CCR4: variants seen among roughly 807,000 people sequenced by gnomAD.
CCR4 encodes C-C motif chemokine receptor 4, also known as C-C chemokine receptor type 4.
In CCR4, 9 loss-of-function variants were observed where a neutral mutation model predicts 17.1. That is an observed-to-expected ratio of 0.53 (90% CI 0.32 to 0.92). The LOEUF is 0.92. Among genes scored for constraint, CCR4 ranks in the 40% least tolerant of loss-of-function variants. CCR4 has a pLI of 0.04. For missense variants in CCR4, 385 were observed against 433.9 expected (o/e 0.89, Z 1.00); for synonymous variants, 217 against 174.3 (o/e 1.24, Z -1.93).
rs991875049 is a variant in CCR4 at position 32,956,324 on chromosome 3, A to G, written c.*1819A>G. 2.4e-5 allele frequency: 4 copies of G among 167,128 alleles called. No individual in the cohort carries two copies. The highest frequency in any genetic ancestry group is 9.6e-5 in the African/African-American group (4 of 41,472). 10.4% of individuals were successfully genotyped at this position (167,128 alleles called of 1,614,324 possible). On this transcript the variant is annotated 3_prime_UTR_variant, in exon 2 of 2. Transcript: ENST00000330953. ...AATCATTTTGAAGTGCCTGCTATCA[A>G]TTGAAATAAAAACAATCAACTAAAA...
Position 32,956,005 on chromosome 3 carries a change from G to A in CCR4, c.*1500G>A, listed in dbSNP as rs1312791827. 2 of 155,320 alleles carry A rather than the reference G, an allele frequency of 1.3e-5. No homozygotes were observed. The highest frequency in any genetic ancestry group is 6.6e-5 in the Admixed American group (1 of 15,184). The allele number at this position is 155,320 out of a possible 1,614,324, so 9.6% of individuals were successfully genotyped here. A position where few individuals can be genotyped will look rare whatever the true frequency, so the allele number is the denominator to read the frequency against. ...GCAGTGGCACTCGGTTCACTGCAAA[G>A]TCTGCCTCCCAGGTTCAAGCGATTC... On this transcript the variant is annotated 3_prime_UTR_variant, in exon 2 of 2. Transcript: ENST00000330953.
chr3:32,953,277 T>A (rs1331623060), intron 1 of CCR4, 95 bp from the exon 2 acceptor site: 1 of 914,542 alleles, frequency 1.1e-6, no homozygotes, highest in Non-Finnish European at 1.6e-6. Context: ...TATACAGACC[T>A]GGAGCAAAAC....
chr3:32,954,872 G>C lies in CCR4; in HGVS notation c.*367G>C. 1 of 193,540 alleles carries C rather than the reference G, an allele frequency of 5.2e-6. No homozygotes were observed. The highest frequency in any genetic ancestry group is 1.2e-5 in the Non-Finnish European group (1 of 85,952). 12.0% of individuals were successfully genotyped at this position (193,540 alleles called of 1,614,324 possible). A position where few individuals can be genotyped will look rare whatever the true frequency, so the allele number is the denominator to read the frequency against. ...GGGAATTGCAGAGTACTGGCTGATG[G>C]AGTAAATCGCTACCTTTTGCTGTGG... On this transcript the variant is annotated 3_prime_UTR_variant, in exon 2 of 2. Coordinates refer to ENST00000330953, the MANE Select transcript of CCR4 (RefSeq NM_005508.5).
Position 32,954,584 on chromosome 3 carries a change from T to G in CCR4, c.*79T>G, listed in dbSNP as rs542846538. On this transcript the variant is annotated 3_prime_UTR_variant, in exon 2 of 2. Transcript: ENST00000330953. The stretch of plus-strand genomic sequence containing the variant: ...CTTAAAATTGTATTTTAGTAAGAGA[T>G]TCCTGAGCCAGTGTCAGGAGGAAGG... 67 of 1,414,426 alleles carry G rather than the reference T, an allele frequency of 4.7e-5. No individual in the cohort carries two copies. The East Asian group carries it at 1.5e-3, about 32-fold the overall frequency. The allele number at this position is 1,414,426 out of a possible 1,614,324, so 87.6% of individuals were successfully genotyped here. A position where few individuals can be genotyped will look rare whatever the true frequency, so the allele number is the denominator to read the frequency against.
In CCR4 at chr3:32,955,369, T is replaced by G. The variant is rs1206790127; in HGVS notation, c.*864T>G. Reference sequence around the variant, plus strand: ...CTGGCCAACATGGAGAAACCCTGTCTCTACTAAAAAATACAAAATTAGCCA... The same window carrying G: ...CTGGCCAACATGGAGAAACCCTGTCGCTACTAAAAAATACAAAATTAGCCA... On this transcript the variant is annotated 3_prime_UTR_variant, in exon 2 of 2. Transcript: ENST00000330953. The G allele has an allele frequency of 6.0e-6, 1 of 166,400 alleles. No homozygotes were observed. The highest frequency in any genetic ancestry group is 1.5e-5 in the Non-Finnish European group (1 of 68,084). The allele number at this position is 166,400 out of a possible 1,614,324, so 10.3% of individuals were successfully genotyped here.
intron 1 of CCR4, among the ~76,000 whole-genome samples, chr3:32,952,165 ACT>A (rs1434218271): frequency 1.3e-5 from 2 of 152,090 alleles, no homozygotes; most frequent in African/African-American, 4.8e-5. Flanking sequence ...TTTTTTGGAG[ACT>A]CTGTGATGTA....
Position 32,954,193 on chromosome 3 carries a change from T to C in CCR4, c.771T>C (p.Pro257=). The C allele has an allele frequency of 6.2e-7, 1 of 1,614,098 alleles. No homozygotes were observed. The highest frequency in any genetic ancestry group is 1.1e-5 in the South Asian group (1 of 91,076). Residue 257 remains proline (P), a synonymous_variant, in exon 2 of 2, where the codon CCT becomes CCC. Transcript: ENST00000330953. ...TCCTCTTCCTTGGGTTCTGGACACCTTACAACATAGTGCTCTTCCTAGAGA... is the reference window on the plus strand; with the variant it reads ...TCCTCTTCCTTGGGTTCTGGACACCCTACAACATAGTGCTCTTCCTAGAGA... ...VVVLFLGFWT[P]YNIVLFLETL... is the part of the protein sequence containing the mutation.
Position 32,954,471 on chromosome 3 carries a change from C to A in CCR4, c.1049C>A (p.Ser350Tyr). Reference protein sequence around the residue: ...ADTPSSSYTQSTMDHDLHDAL With the variant: ...ADTPSSSYTQYTMDHDLHDAL ...ACCCCCAGCTCATCTTACACGCAGTCCACCATGGATCATGATCTCCATGAT... is the reference window on the plus strand; with the variant it reads ...ACCCCCAGCTCATCTTACACGCAGTACACCATGGATCATGATCTCCATGAT... Residue 350 changes from serine (S) to tyrosine (Y), a missense_variant, in exon 2 of 2, where the codon TCC becomes TAC. Transcript: ENST00000330953. The A allele has an allele frequency of 1.3e-6, 2 of 1,556,556 alleles. No individual in the cohort carries two copies. Among genetic ancestry groups the A allele is most frequent in the Non-Finnish European group, 1.7e-6 (2 of 1,156,826 alleles).
chr3:32,952,720 C>T (rs1430773293), intron 1 of CCR4, among the ~76,000 whole-genome samples: 3 of 152,206 alleles, frequency 2.0e-5, no homozygotes, highest in Non-Finnish European at 4.4e-5. Flanking sequence ...AAGGGAGTGG[C>T]CTTGAGTCGG....
chr3:32,952,269 T>C (rs1253518001), intron 1 of CCR4, among the ~76,000 whole-genome samples: 1 of 152,158 alleles, frequency 6.6e-6, no homozygotes, highest in African/African-American at 2.4e-5. Flanking sequence ...TTTTTTATTT[T>C]TTTTGAGACA....
rs1347194508 is a variant in CCR4, at chr3:32,953,987, A to G, written c.565A>G (p.Thr189Ala). 9 of 1,613,920 alleles carry G rather than the reference A, an allele frequency of 5.6e-6. No homozygotes were observed. Among genetic ancestry groups the G allele is most frequent in the Non-Finnish European group, 7.6e-6 (9 of 1,179,998 alleles). Residue 189 changes from threonine to alanine, a missense_variant, in exon 2 of 2, where the codon ACC becomes GCC. Thr to Ala is a moderately conservative substitution (Grantham distance 58, BLOSUM62 0). Transcript: ENST00000330953. The part of the protein sequence containing the change: ...YTERNHTYCK[T>A]KYSLNSTTWK... ...TGAGCGCAACCATACCTACTGCAAA[A>G]CCAAGTACTCTCTCAACTCCACGAC...
In CCR4 at chr3:32,953,845, C is replaced by T. The variant is rs371078690; in HGVS notation, c.423C>T (p.His141=). ...MSIDRYLAIV[H]AVFSLRARTL... is the part of the protein sequence containing the mutation. Reference sequence around the variant, plus strand: ...TTGATAGATACCTGGCAATTGTGCACGCGGTGTTTTCCTTGAGGGCAAGGA... The same window carrying T: ...TTGATAGATACCTGGCAATTGTGCATGCGGTGTTTTCCTTGAGGGCAAGGA... Residue 141 remains histidine (H), a synonymous_variant, in exon 2 of 2, where the codon CAC becomes CAT. Coordinates refer to ENST00000330953, the MANE Select transcript of CCR4 (RefSeq NM_005508.5). The T allele has an allele frequency of 9.5e-5, 154 of 1,614,004 alleles. No individual in the cohort carries two copies. Among genetic ancestry groups the T allele is most frequent in the Admixed American group, 2.0e-4 (12 of 59,990 alleles).
chr3:32,954,583 A>AG lies in CCR4; in HGVS notation c.*78_*79insG, dbSNP rs557455406. ...ACTTAAAATTGTATTTTAGTAAGAG[A>AG]TTCCTGAGCCAGTGTCAGGAGGAAG... On this transcript the variant is annotated 3_prime_UTR_variant, in exon 2 of 2. Coordinates refer to ENST00000330953, the MANE Select transcript of CCR4 (RefSeq NM_005508.5). 4.7e-5 allele frequency: 67 copies of AG among 1,413,678 alleles called. No homozygotes were observed. In the East Asian group the frequency reaches 1.5e-3, roughly 32 times the overall value. The allele number at this position is 1,413,678 out of a possible 1,614,324, so 87.6% of individuals were successfully genotyped here.
chr3:32,954,769 G>A lies in CCR4; in HGVS notation c.*264G>A, dbSNP rs1695683733. The A allele has an allele frequency of 5.1e-6, 2 of 394,940 alleles. No individual in the cohort carries two copies. Among genetic ancestry groups the A allele is most frequent in the Non-Finnish European group, 4.7e-6 (1 of 213,006 alleles). The allele number at this position is 394,940 out of a possible 1,614,324, so 24.5% of individuals were successfully genotyped here. A position where few individuals can be genotyped will look rare whatever the true frequency, so the allele number is the denominator to read the frequency against. On this transcript the variant is annotated 3_prime_UTR_variant, in exon 2 of 2. Transcript: ENST00000330953. ...GTCAGTCTGATGAGAACTCTGAGCA[G>A]TGCTTGAATGAAGTTGTAGGTAATA...
chr3:32,952,241 T>C (rs1395137197), intron 1 of CCR4, among the ~76,000 whole-genome samples: 1 of 152,110 alleles, frequency 6.6e-6, no homozygotes, highest in Non-Finnish European at 1.5e-5. Flanking sequence ...TTTTTCTTTT[T>C]CTTTTCTTTC....
At position 32,953,998 on chromosome 3, in the gene CCR4, T is replaced by G; in HGVS notation, c.576T>G (p.Ser192=). The G allele has an allele frequency of 2.5e-6, 4 of 1,614,134 alleles. No homozygotes were observed. The South Asian group carries it at 4.4e-5, about 18-fold the overall frequency. ...ATACCTACTGCAAAACCAAGTACTC[T>G]CTCAACTCCACGACGTGGAAGGTTC... is the stretch of plus-strand genomic sequence containing the variant. ...RNHTYCKTKY[S]LNSTTWKVLS... is the part of the protein sequence containing the mutation. The change falls in exon 2 of 2, where the codon TCT becomes TCG. Residue 192 remains serine (S), a synonymous_variant. Coordinates refer to ENST00000330953, the MANE Select transcript of CCR4 (RefSeq NM_005508.5).
intron 1 of CCR4, among the ~76,000 whole-genome samples, chr3:32,952,346 C>T (rs1413979908): frequency 6.6e-6 from 1 of 152,010 alleles, no homozygotes; most frequent in African/African-American, 2.4e-5. Flanking sequence ...CCTTGAACTC[C>T]TGGGCTCAAG....
chr3:32,953,752 C>A lies in CCR4; in HGVS notation c.330C>A (p.Cys110Ter). The change falls in exon 2 of 2, where the codon TGC becomes TGA. Residue 110 changes from cysteine (C) to a stop codon, truncating the protein, a stop_gained. Coordinates refer to ENST00000330953, the MANE Select transcript of CCR4 (RefSeq NM_005508.5). LOFTEE classifies it high-confidence loss of function. ...AGTGGGTTTTTGGGCTAGGTCTGTGCAAGATGATTTCCTGGATGTACTTGG... is the reference window on the plus strand; with the variant it reads ...AGTGGGTTTTTGGGCTAGGTCTGTGAAAGATGATTTCCTGGATGTACTTGG... ...ADQWVFGLGL[C>*]KMISWMYLVG... 6.2e-7 allele frequency: 1 copy of A among 1,614,076 alleles called. No individual in the cohort carries two copies. The highest frequency in any genetic ancestry group is 8.5e-7 in the Non-Finnish European group (1 of 1,180,034).
In CCR4 at chr3:32,956,075, A is replaced by G. The variant is rs1178397393; in HGVS notation, c.*1570A>G. ...GCAGCTGGGATTAGAGGTGTGCACC[A>G]CTACGCCAGGCTAATTTTTGTATTT... On this transcript the variant is annotated 3_prime_UTR_variant, in exon 2 of 2. Transcript: ENST00000330953. 6.1e-6 allele frequency: 1 copy of G among 164,984 alleles called. No homozygotes were observed. Among genetic ancestry groups the G allele is most frequent in the Non-Finnish European group, 1.5e-5 (1 of 68,076 alleles). 10.2% of individuals were successfully genotyped at this position (164,984 alleles called of 1,614,324 possible). A position where few individuals can be genotyped will look rare whatever the true frequency, so the allele number is the denominator to read the frequency against.
Sources: allele counts gnomAD v4.1 joint callset (sites outside exome capture counted in the v4.1 genomes callset), GRCh38; gene constraint gnomAD v4.1.1; transcripts MANE v1.5; gene names NCBI Gene and HGNC (gene_info 2026-07-23, HGNC 2026-07-21).